OPA3: variants seen among roughly 807,000 people sequenced by gnomAD.
The protein encoded by OPA3 is optic atrophy 3 protein.
A neutral mutation model predicts 4.0 loss-of-function variants in OPA3; 6 were observed. The observed-to-expected ratio is 1.51, with a 90% CI of 0.83 to 2.99. The LOEUF (loss-of-function observed/expected upper bound fraction) is 2.99. Among genes scored for constraint, OPA3 ranks in the 30% most tolerant of loss-of-function variants. OPA3 has a pLI of 0.00. For synonymous variants in OPA3, 105 were observed against 117.1 expected (o/e 0.90, Z 0.67); for missense variants, 235 against 256.2 (o/e 0.92, Z 0.56).
intron 1 of OPA3, among the ~76,000 whole-genome samples, chr19:45,562,394 T>C (rs1023658941): frequency 2.1e-5 from 3 of 146,240 alleles, no homozygotes; most frequent in African/African-American, 5.0e-5. Flanking sequence ...AATTCCCTTA[T>C]TAAGAAACAT....
intron 1 of OPA3, among the ~76,000 whole-genome samples, chr19:45,535,433 G>A (rs1182440750): frequency 5.6e-5 from 8 of 142,786 alleles, no homozygotes; most frequent in South Asian, 4.4e-4. Flanking sequence ...GTGCAGTGGT[G>A]CAATCATAGC....
rs983603607 is a variant in OPA3, at chr19:45,553,124, A to C, written c.*390T>G. 4 of 1,173,178 alleles carry C rather than the reference A, an allele frequency of 3.4e-6. No individual in the cohort carries two copies. The highest frequency in any genetic ancestry group is 4.2e-6 in the Non-Finnish European group (4 of 941,860). The allele number at this position is 1,173,178 out of a possible 1,614,324, so 72.7% of individuals were successfully genotyped here. On this transcript the variant is annotated 3_prime_UTR_variant, in exon 2 of 2. Coordinates refer to ENST00000263275, the MANE Select transcript of OPA3 (RefSeq NM_025136.4). ...AAAAAGAAGAAGGTGTTCCAGTGTA[A>C]CAGATGAGTGTCCCAGTAAAGGTTA...
chr19:45,533,281 G>A (rs143257319), intron 1 of OPA3, among the ~76,000 whole-genome samples: 393 of 151,482 alleles, frequency 2.6e-3, no homozygotes, highest in African/African-American at 8.7e-3. Flanking sequence ...TGCAAGCTCC[G>A]CCTCCTGGGT....
At chr19:45,555,931 CTA>C (rs574418783) in intron 1 of OPA3, among the ~76,000 whole-genome samples, 2 of 151,232 alleles carry the variant, frequency 1.3e-5, no homozygotes, top group African/African-American at 2.4e-5. Context: ...TATGCCTGGC[CTA>C]TATATATATA....
intron 1 of OPA3, among the ~76,000 whole-genome samples, chr19:45,561,485 T>C (rs1189902685): frequency 6.6e-6 from 1 of 152,076 alleles, no homozygotes. Flanking sequence ...AAGGACACAG[T>C]AGTGACTGCT....
chr19:45,562,685 C>CA (rs975923190), intron 1 of OPA3, among the ~76,000 whole-genome samples: 65 of 152,120 alleles, frequency 4.3e-4, no homozygotes, highest in African/African-American at 1.5e-3. Context: ...GACTCAGTCT[C>CA]AAAAAAAATA....
rs183951390 is a variant in OPA3 at position 45,549,804 on chromosome 19, A to G, written c.*3710T>C. On this transcript the variant is annotated 3_prime_UTR_variant, in exon 2 of 2. Coordinates refer to ENST00000263275, the MANE Select transcript of OPA3 (RefSeq NM_025136.4). ...TCCCAGTTTTAAACACAGCCCACTC[A>G]GGACCCACTCGGTCAGTTCCCTCTG... 4.7e-4 allele frequency: 466 copies of G among 985,476 alleles called. 3 individuals carry two copies. In the African/African-American group the frequency reaches 7.4e-3, roughly 16 times the overall value. The allele number at this position is 985,476 out of a possible 1,614,324, so 61.0% of individuals were successfully genotyped here.
chr19:45,557,476 C>G (rs140073299), intron 1 of OPA3, among the ~76,000 whole-genome samples: 1 of 152,074 alleles, frequency 6.6e-6, no homozygotes, highest in Non-Finnish European at 1.5e-5. Flanking sequence ...GGGGTCAACA[C>G]GCTCCAGATG....
chr19:45,572,496 A>G (rs1311938403), intron 1 of OPA3, among the ~76,000 whole-genome samples: 1 of 120,636 alleles, frequency 8.3e-6, no homozygotes, highest in Non-Finnish European at 1.8e-5. Context: ...ATCGAGATAT[A>G]TGAGATATAT....
At chr19:45,543,469 C>G (rs554787094), downstream of OPA3, among the ~76,000 whole-genome samples, 3 of 151,816 alleles carry the variant, frequency 2.0e-5, no homozygotes, top group Non-Finnish European at 4.4e-5. Context: ...TACAGGCACA[C>G]GCCACCACGC....
intron 1 of OPA3, among the ~76,000 whole-genome samples, chr19:45,540,949 A>C (rs868573958): frequency 7.2e-5 from 11 of 152,210 alleles, no homozygotes; most frequent in South Asian, 4.1e-4. Context: ...CAAACTCAGG[A>C]CCTCAGGAAT....
intron 1 of OPA3, among the ~76,000 whole-genome samples, chr19:45,575,561 G>A (rs560835563): frequency 4.0e-5 from 6 of 151,888 alleles, no homozygotes; most frequent in Admixed American, 1.3e-4. Context: ...TGTTTCCCAC[G>A]GCCACTATAA....
chr19:45,561,717 G>A (rs1218962670), intron 1 of OPA3, among the ~76,000 whole-genome samples: 1 of 151,988 alleles, frequency 6.6e-6, no homozygotes, highest in Non-Finnish European at 1.5e-5. Flanking sequence ...GAGGCGGGCA[G>A]ATCACCTGAG....
At chr19:45,582,246 C>T (rs1969866962) in intron 1 of OPA3, among the ~76,000 whole-genome samples, 2 of 151,870 alleles carry the variant, frequency 1.3e-5, no homozygotes, top group Admixed American at 6.6e-5. Context: ...CTGCAACCTC[C>T]ATCCCCGGGT....
chr19:45,553,543 A>T lies in OPA3; in HGVS notation c.511T>A (p.Ser171Thr). 6.2e-7 allele frequency: 1 copy of T among 1,613,412 alleles called. No homozygotes were observed. The highest frequency in any genetic ancestry group is 1.7e-5 in the Admixed American group (1 of 60,020). The change falls in exon 2 of 2, where the codon TCC (serine) becomes ACC (threonine). Residue 171 changes from serine (S) to threonine (T), a missense_variant. Ser to Thr is a moderately conservative substitution (Grantham distance 58, BLOSUM62 1). Coordinates refer to ENST00000263275, the MANE Select transcript of OPA3 (RefSeq NM_025136.4). ...TTCTTGGACGCAGGCACTGCGTGGGAAGCGGACCGGCCGGGATTGCAGAGC... is the reference window on the plus strand; with the variant it reads ...TTCTTGGACGCAGGCACTGCGTGGGTAGCGGACCGGCCGGGATTGCAGAGC... ...AQLCNPGRSA[S>T]HAVPASKK
intron 1 of OPA3, among the ~76,000 whole-genome samples, chr19:45,534,749 C>T (rs1240518058): frequency 6.6e-6 from 1 of 151,716 alleles, no homozygotes; most frequent in Non-Finnish European, 1.5e-5. Flanking sequence ...TCTCCTGCCT[C>T]AGCCTCCCGA....
At chr19:45,541,200 C>T (rs1969181828) in intron 1 of OPA3, among the ~76,000 whole-genome samples, 1 of 152,224 alleles carries the variant, frequency 6.6e-6, no homozygotes, top group African/African-American at 2.4e-5. Flanking sequence ...CTTTTAGCCA[C>T]ATGCCCAAAA....
chr19:45,535,480 C>A (rs1374027777), intron 1 of OPA3, among the ~76,000 whole-genome samples: 24 of 150,396 alleles, frequency 1.6e-4, no homozygotes, highest in Non-Finnish European at 1.0e-4. Flanking sequence ...ACTTCAGCCT[C>A]CTGAGTAGCT....
intron 1 of OPA3, among the ~76,000 whole-genome samples, chr19:45,555,487 G>A (rs1349969394): frequency 8.6e-6 from 1 of 116,738 alleles, no homozygotes; most frequent in Non-Finnish European, 1.7e-5. Context: ...AGGTATGCCT[G>A]GCTAATATTT....
Sources: gnomAD v4.1 joint callset for allele counts (sites outside exome capture counted in the v4.1 genomes callset) on GRCh38, gnomAD v4.1.1 for gene constraint, MANE v1.5 for transcripts, NCBI Gene and HGNC (gene_info 2026-07-23, HGNC 2026-07-21) for gene names.